The following RIPOR2 variants were observed in gnomAD, a reference collection of about 807,000 sequenced individuals.
RIPOR2 encodes the protein RHO family interacting cell polarization regulator 2, also known as rho family-interacting cell polarization regulator 2.
In RIPOR2, 39 loss-of-function variants were observed where a neutral mutation model predicts 114.5. That is an observed-to-expected ratio of 0.34 (90% CI 0.26 to 0.44). The LOEUF (loss-of-function observed/expected upper bound fraction) is 0.44, where lower values mean the gene tolerates loss of function less well. Ranked by LOEUF, RIPOR2 falls within the 20% of genes least tolerant of loss-of-function variation. The probability of loss-of-function intolerance (pLI) is 1.00; values close to 1 mark genes in which losing one functional copy is unlikely to be tolerated. For synonymous variants in RIPOR2, 445 were observed against 484.4 expected (o/e 0.92, Z 1.07); for missense variants, 1,007 against 1,255.1 (o/e 0.80, Z 2.99).
intron 1 of RIPOR2, among the ~76,000 whole-genome samples, chr6:24,997,295 T>G (rs1775089362): frequency 6.6e-6 from 1 of 152,000 alleles, no homozygotes; most frequent in East Asian, 1.9e-4. Flanking sequence ...AACCTTTTCC[T>G]GTATGCTCAC....
rs555160608 is a variant in RIPOR2, at chr6:25,024,167, G to A, written c.76+17684C>T. The stretch of plus-strand genomic sequence containing the variant: ...CGCGGGACACCCCCTCCTGCTGGGC[G>A]ATTTCCACTTGTTTGCTGGCAATGC... On this transcript the variant is annotated intron_variant, in intron 1 of 13. Coordinates refer to the RIPOR2 transcript ENST00000510784. 13 of 1,265,964 alleles carry A rather than the reference G, an allele frequency of 1.0e-5. No homozygotes were observed. In the African/African-American group the frequency reaches 1.6e-4, roughly 16 times the overall value. 78.4% of individuals were successfully genotyped at this position (1,265,964 alleles called of 1,614,324 possible).
chr6:25,024,090 C>G, intron 1 of RIPOR2: 1 of 780,482 alleles, frequency 1.3e-6, no homozygotes. Context: ...GGGGGACCAG[C>G]GAGTACCAGG....
At chr6:24,929,900 G>C (rs1197768498) in intron 1 of RIPOR2, among the ~76,000 whole-genome samples, 1 of 151,952 alleles carries the variant, frequency 6.6e-6, no homozygotes. Context: ...ATAGTGAGAG[G>C]CTGGCTTTAC....
rs939505399 is a variant in RIPOR2 at position 24,931,853 on chromosome 6, C to T, written c.61+3985G>A. The T allele has an allele frequency of 7.9e-5, 12 of 152,302 alleles. No individual in the cohort carries two copies. In the East Asian group the frequency reaches 2.3e-3, roughly 29 times the overall value. The allele number at this position is 152,302 out of a possible 1,614,324, so 9.4% of individuals were successfully genotyped here. ...AGGAAAGAAGCAATTGCAGCTTTAA[C>T]TTGTGCCAAGGAGTAATTTTGGCTG... On this transcript the variant is annotated intron_variant, in intron 1 of 21. Transcript: ENST00000643898.
intron 1 of RIPOR2, among the ~76,000 whole-genome samples, chr6:24,956,218 T>C (rs150378561): frequency 0.011 from 1,704 of 152,308 alleles, 14 homozygotes; most frequent in Non-Finnish European, 0.018. Context: ...TAAGTATTTT[T>C]ACACAATTGA....
chr6:24,923,535 C>T (rs1190392234), intron 1 of RIPOR2, among the ~76,000 whole-genome samples: 2 of 152,000 alleles, frequency 1.3e-5, no homozygotes, highest in African/African-American at 4.8e-5. Context: ...AGATTTTTCT[C>T]CCCCACAGCA....
intron 8 of RIPOR2, among the ~76,000 whole-genome samples, chr6:24,857,066 A>G (rs1430073158): frequency 1.3e-5 from 2 of 152,172 alleles, no homozygotes; most frequent in African/African-American, 4.8e-5. Flanking sequence ...GCAATAATGT[A>G]GCACAATGGC....
chr6:24,969,679 G>C (rs1169289328), intron 1 of RIPOR2, among the ~76,000 whole-genome samples: 1 of 151,996 alleles, frequency 6.6e-6, no homozygotes, highest in Non-Finnish European at 1.5e-5. Flanking sequence ...TTTTTGATTG[G>C]CCCTGCTCCC....
chr6:24,989,247 T>A (rs1774675514), intron 1 of RIPOR2, among the ~76,000 whole-genome samples: 1 of 151,986 alleles, frequency 6.6e-6, no homozygotes, highest in Admixed American at 6.6e-5. Flanking sequence ...AATTATTATA[T>A]TTGTAATACT....
chr6:24,844,216 G>A (rs1010894288), intron 12 of RIPOR2, among the ~76,000 whole-genome samples: 5 of 152,270 alleles, frequency 3.3e-5, no homozygotes, highest in South Asian at 2.1e-4. Flanking sequence ...CTCTCAGGCT[G>A]CCTAGAAACA....
At chr6:25,020,732 C>T (rs1776278608) in intron 1 of RIPOR2, among the ~76,000 whole-genome samples, 1 of 152,144 alleles carries the variant, frequency 6.6e-6, no homozygotes, top group South Asian at 2.1e-4. Flanking sequence ...ATTAGATAGC[C>T]CCAATGAGAT....
chr6:24,850,859 CTT>C, intron 9 of RIPOR2, 137 bp from the exon 10 acceptor site: 1 of 992,008 alleles, frequency 1.0e-6, no homozygotes. Context: ...CCCCCTTACT[CTT>C]GGGTGTGAAT....
At chr6:24,825,508 A>G (rs1025967532) in intron 18 of RIPOR2, 80 bp from the exon 19 acceptor site, 1 of 1,007,438 alleles carries the variant, frequency 9.9e-7, no homozygotes, top group African/African-American at 1.6e-5. Context: ...ATAGAACTCA[A>G]GTACATAAGA....
upstream of RIPOR2, chr6:25,042,092 T>G (rs1257484107): frequency 3.7e-6 from 2 of 533,518 alleles, no homozygotes; most frequent in African/African-American, 3.9e-5. Flanking sequence ...AGGCTTCCGT[T>G]GACTTCTTTT....
intron 1 of RIPOR2, among the ~76,000 whole-genome samples, chr6:24,951,443 G>C (rs954087210): frequency 2.6e-5 from 4 of 152,260 alleles, no homozygotes; most frequent in East Asian, 3.9e-4. Context: ...GGAATAGGGG[G>C]TCTTCAAATT....
At chr6:24,959,891 C>A (rs879834704) in intron 1 of RIPOR2, among the ~76,000 whole-genome samples, 1 of 152,138 alleles carries the variant, frequency 6.6e-6, no homozygotes, top group Admixed American at 6.5e-5. Flanking sequence ...TGTTATGCCA[C>A]CTTTTGGCCA....
At chr6:24,818,512 T>G (rs1389901548) in intron 20 of RIPOR2, 30 bp downstream of exon 20, 2 of 1,451,366 alleles carry the variant, frequency 1.4e-6, no homozygotes, top group Non-Finnish European at 1.9e-6. Flanking sequence ...CAAGCTGAGC[T>G]GCCAGGGGAG....
At chr6:25,013,620 A>G (rs115687802) in intron 1 of RIPOR2, among the ~76,000 whole-genome samples, 85 of 152,272 alleles carry the variant, frequency 5.6e-4, no homozygotes, top group African/African-American at 1.8e-3. Flanking sequence ...CTGACAACCA[A>G]ACTTAACGGA....
chr6:24,890,755 A>G (rs568642037), intron 1 of RIPOR2, among the ~76,000 whole-genome samples: 2 of 151,974 alleles, frequency 1.3e-5, no homozygotes, highest in South Asian at 4.2e-4. Flanking sequence ...CCTGGGCACA[A>G]GTGATTCTCT....
Sources: gnomAD v4.1 joint callset for allele counts (sites outside exome capture counted in the v4.1 genomes callset) on GRCh38, gnomAD v4.1.1 for gene constraint, MANE v1.5 for transcripts, NCBI Gene and HGNC (gene_info 2026-07-23, HGNC 2026-07-21) for gene names.